WIZ: variants seen among roughly 807,000 people sequenced by gnomAD.
WIZ encodes WIZ zinc finger.
Under a neutral mutation model 140.2 loss-of-function variants are expected in WIZ, and 25 were observed. The observed-to-expected ratio is 0.18, with a 90% CI of 0.13 to 0.25. The LOEUF is 0.25. Ranked by LOEUF, WIZ falls within the 10% of genes least tolerant of loss-of-function variation. WIZ has a pLI of 1.00. For synonymous variants in WIZ, 1,125 were observed against 1,154.3 expected (o/e 0.97, Z 0.51); for missense variants, 2,231 against 2,632.6 (o/e 0.85, Z 3.34).
At position 15,428,045 on chromosome 19, in the gene WIZ, A is replaced by ACC. The variant is rs149665088; in HGVS notation, c.3814+63_3814+64dup. ...CTGCCCCAGCAGGGAGGGGGCTGTG[A>ACC]CCCCCCCCCCGGGAGGGGCTCCAGG... On this transcript the variant is annotated intron_variant, in intron 8 of 12. Transcript: ENST00000673675. This position sits in a 1 kb window ranked among gnomAD's most constrained non-coding sequence, Gnocchi z 6.4. The ACC allele has an allele frequency of 9.4e-5, 115 of 1,228,078 alleles. No homozygotes were observed. Among genetic ancestry groups the ACC allele is most frequent in the Admixed American group, 3.8e-4 (15 of 39,416 alleles). The allele number at this position is 1,228,078 out of a possible 1,614,324, so 76.1% of individuals were successfully genotyped here. A position where few individuals can be genotyped will look rare whatever the true frequency, so the allele number is the denominator to read the frequency against.
intron 12 of WIZ, 42 bp from the exon 13 acceptor site, chr19:15,423,277 G>A (rs760627576): frequency 3.1e-6 from 5 of 1,603,010 alleles, no homozygotes; most frequent in African/African-American, 1.3e-5. Context: ...AGTGCTGTGA[G>A]GAGAGGCGGA....
Position 15,425,659 on chromosome 19 carries a change from A to T in WIZ, c.4476T>A (p.Gly1492=). The change falls in exon 10 of 13, where the codon GGT becomes GGA. Residue 1492 remains glycine, a synonymous_variant. Coordinates refer to ENST00000673675, the MANE Select transcript of WIZ (RefSeq NM_001371589.1). ...SHARSHLRQM[G]VTEWSVNGSP... The stretch of plus-strand genomic sequence containing the variant: ...AACCATTGACGGACCACTCGGTCAC[A>T]CCCATCTGCCGCAGGTGTGAGCGCG... 6.2e-7 allele frequency: 1 copy of T among 1,612,570 alleles called. No homozygotes were observed. The highest frequency in any genetic ancestry group is 8.5e-7 in the Non-Finnish European group (1 of 1,179,620).
In WIZ at chr19:15,439,167, C is replaced by A. The variant is rs764783844; in HGVS notation, c.1827G>T (p.Arg609=). 2.2e-5 allele frequency: 34 copies of A among 1,532,680 alleles called. 2 individuals carry two copies. In the South Asian group the frequency reaches 3.9e-4, roughly 18 times the overall value. 94.9% of individuals were successfully genotyped at this position (1,532,680 alleles called of 1,614,324 possible). Residue 609 remains arginine, a synonymous_variant, in exon 4 of 13, where the codon CGG becomes CGT. Coordinates refer to ENST00000673675, the MANE Select transcript of WIZ (RefSeq NM_001371589.1). This position sits in a 1 kb window ranked among gnomAD's most constrained non-coding sequence, Gnocchi z 7.0. ...STVHPQGLGE[R]RRPWSEEEEE... Reference sequence around the variant, plus strand: ...CCTCCTCTTCGCTCCAAGGGCGCCTCCGTTCCCCCAGCCCTTGTGGGTGGA... The same window carrying A: ...CCTCCTCTTCGCTCCAAGGGCGCCTACGTTCCCCCAGCCCTTGTGGGTGGA...
rs558994570 is a variant in WIZ at position 15,420,040 on chromosome 19, G to A, written c.*3036C>T. The stretch of plus-strand genomic sequence containing the variant: ...TTTGATATTGTTGATTTCTTTAGGT[G>A]TAATAGTGGCATTTACAACGTTGAG... On this transcript the variant is annotated 3_prime_UTR_variant, in exon 13 of 13. Coordinates refer to ENST00000673675, the MANE Select transcript of WIZ (RefSeq NM_001371589.1). 6.6e-6 allele frequency: 1 copy of A among 152,330 alleles called. No individual in the cohort carries two copies. Among genetic ancestry groups the A allele is most frequent in the South Asian group, 2.1e-4 (1 of 4,832 alleles). The allele number at this position is 152,330 out of a possible 1,614,324, so 9.4% of individuals were successfully genotyped here. A position where few individuals can be genotyped will look rare whatever the true frequency, so the allele number is the denominator to read the frequency against.
intron 6 of WIZ, among the ~76,000 whole-genome samples, chr19:15,430,379 C>T (rs572532865): frequency 2.9e-4 from 44 of 152,346 alleles, no homozygotes; most frequent in Non-Finnish European, 5.4e-4. Context: ...CACAACCTTT[C>T]AGGCCTACGG....
In WIZ at chr19:15,426,614, C is replaced by G. The variant is rs564955058; in HGVS notation, c.4366+368G>C. On this transcript the variant is annotated intron_variant, in intron 9 of 12. Transcript: ENST00000673675. ...AATTACCAAAAATGTCAGAAAGACA[C>G]AGTTCAGACGTTCACTGCCAGTCCC... Among the ~76,000 whole-genome samples, 7 of 152,330 alleles carry G rather than the reference C, an allele frequency of 4.6e-5. No individual in the cohort carries two copies. The South Asian group carries it at 8.3e-4, about 18-fold the overall frequency.
chr19:15,429,839 G>C lies in WIZ; in HGVS notation c.3162C>G (p.Gly1054=), dbSNP rs987335781. The C allele has an allele frequency of 3.9e-6, 6 of 1,530,290 alleles. No individual in the cohort carries two copies. The highest frequency in any genetic ancestry group is 4.4e-6 in the Non-Finnish European group (5 of 1,143,036). The allele number at this position is 1,530,290 out of a possible 1,614,324, so 94.8% of individuals were successfully genotyped here. The change falls in exon 7 of 13, where the codon GGC becomes GGG. Residue 1054 remains glycine (G), a synonymous_variant. Coordinates refer to ENST00000673675, the MANE Select transcript of WIZ (RefSeq NM_001371589.1). ...KEVVAGAPRP[G]LLSLAKPLDA... Reference sequence around the variant, plus strand: ...CCAAGGGCTTGGCCAGGCTGAGCAAGCCGGGCCGGGGGGCCCCGGCGACCA... The same window carrying C: ...CCAAGGGCTTGGCCAGGCTGAGCAACCCGGGCCGGGGGGCCCCGGCGACCA...
Position 15,428,197 on chromosome 19 carries a change from T to C in WIZ, c.3727A>G (p.Ser1243Gly). Residue 1243 changes from serine (S) to glycine (G), a missense_variant, in exon 8 of 13, where the codon AGC (serine) becomes GGC (glycine). Coordinates refer to ENST00000673675, the MANE Select transcript of WIZ (RefSeq NM_001371589.1). The surrounding 1 kb of genome is among the most constrained non-coding windows in gnomAD (Gnocchi z 6.4). ...GAGAGGTCCTGCTTCCCCCAGGGGC[T>C]GGCCATACCCGCGGCCTTCAGCTTG... ...KAKLKAAGMA[S>G]PWGKQDLSAA... 6.5e-7 allele frequency: 1 copy of C among 1,534,244 alleles called. No individual in the cohort carries two copies. Among genetic ancestry groups the C allele is most frequent in the Non-Finnish European group, 8.7e-7 (1 of 1,146,646 alleles).
chr19:15,435,532 T>G lies in WIZ; in HGVS notation c.2740+1274A>C, dbSNP rs565128203. ...CAGGTCTGCCGGATAAAGCAAACAT[T>G]GGTTGAAAATCTAGACTCTAGGCCG... On this transcript the variant is annotated intron_variant, in intron 5 of 12. Transcript: ENST00000673675. Among the ~76,000 whole-genome samples the G allele has an allele frequency of 1.4e-4, 21 of 152,322 alleles. No individual in the cohort carries two copies. The East Asian group carries it at 3.7e-3, about 27-fold the overall frequency.
At chr19:15,434,655 C>A (rs1362593028) in intron 5 of WIZ, among the ~76,000 whole-genome samples, 1 of 151,822 alleles carries the variant, frequency 6.6e-6, no homozygotes, top group African/African-American at 2.4e-5. Context: ...AGGGGCGATA[C>A]CCCCTGTTCA....
At chr19:15,444,938 G>A (rs1969865789) in intron 2 of WIZ, among the ~76,000 whole-genome samples, 1 of 152,186 alleles carries the variant, frequency 6.6e-6, no homozygotes, top group Admixed American at 6.5e-5. Flanking sequence ...AGGGGACCGC[G>A]TGGCCTCTTT....
At chr19:15,425,208 C>A in intron 10 of WIZ, 33 bp downstream of exon 10, 2 of 1,553,798 alleles carry the variant, frequency 1.3e-6, no homozygotes, top group South Asian at 1.2e-5. Flanking sequence ...CCCTGGCGGT[C>A]GCCCTCCCAG....
Position 15,427,200 on chromosome 19 carries a change from C to T in WIZ, c.4148G>A (p.Gly1383Asp). Residue 1383 changes from glycine (G) to aspartate (D), a missense_variant, in exon 9 of 13, where the codon GGC becomes GAC. Around this residue, in one of 15 missense-constraint regions of WIZ, gnomAD observed 393 missense variants for 451.7 expected, o/e 0.87. Transcript: ENST00000673675. This position sits in a 1 kb window ranked among gnomAD's most constrained non-coding sequence, Gnocchi z 6.4. ...PLAKKLPPPP[G>D]SPLGHSPTAS... ...AGTTGGTGAGTGGCCCAGGGGGCTG[C>T]CCGGTGGTGGTGGCAACTTCTTGGC... is the stretch of plus-strand genomic sequence containing the variant. 1.9e-6 allele frequency: 3 copies of T among 1,614,114 alleles called. No homozygotes were observed. The highest frequency in any genetic ancestry group is 2.5e-6 in the Non-Finnish European group (3 of 1,180,032).
At position 15,427,016 on chromosome 19, in the gene WIZ, C is replaced by G; in HGVS notation, c.4332G>C (p.Gly1444=). The G allele has an allele frequency of 6.2e-7, 1 of 1,613,944 alleles. No homozygotes were observed. ...GGGGTGTCATGTCTTCCCGTGGTGC[C>G]CCCCAGGGACCCTCAGATGGGTGCA... ...GELHPSEGPW[G]APREDMTPLN... is the part of the protein sequence containing the mutation. The change falls in exon 9 of 13, where the codon GGG becomes GGC. Residue 1444 remains glycine, a synonymous_variant. Transcript: ENST00000673675. The surrounding 1 kb of genome is among the most constrained non-coding windows in gnomAD (Gnocchi z 6.4).
At chr19:15,436,076 T>C (rs1180533342) in intron 5 of WIZ, among the ~76,000 whole-genome samples, 3 of 152,188 alleles carry the variant, frequency 2.0e-5, no homozygotes, top group East Asian at 1.9e-4. Context: ...TGAGCCAAGA[T>C]TGTGCCACTG....
chr19:15,434,919 T>C (rs1000205649), intron 5 of WIZ, among the ~76,000 whole-genome samples: 6 of 152,210 alleles, frequency 3.9e-5, no homozygotes, highest in African/African-American at 1.4e-4. Context: ...AGATGACCTA[T>C]GGTTTCCTTA....
In WIZ at chr19:15,431,049, A is replaced by G. The variant is rs1969201001; in HGVS notation, c.2874T>C (p.Val958=). The change falls in exon 6 of 13, where the codon GTT becomes GTC. Residue 958 remains valine, a synonymous_variant. Coordinates refer to ENST00000673675, the MANE Select transcript of WIZ (RefSeq NM_001371589.1). ...GCAGCTCCTGTTTGCTGCCATGAGG[A>G]ACCTCTGCAGCCACTTTGCTGCTCA... ...SRLSSKVAAE[V]PHGSKQELQD... The G allele has an allele frequency of 6.5e-7, 1 of 1,535,720 alleles. No individual in the cohort carries two copies.
In WIZ at chr19:15,421,488, G is replaced by A. The variant is rs1038171261; in HGVS notation, c.*1588C>T. On this transcript the variant is annotated 3_prime_UTR_variant, in exon 13 of 13. Transcript: ENST00000673675. ...CAGCACTTGACCGTTTAGTAAAAAC[G>A]ATGAGCTGAAAAACCACATGCAATA... The A allele has an allele frequency of 2.2e-4, 34 of 152,258 alleles. No homozygotes were observed. Among genetic ancestry groups the A allele is most frequent in the Admixed American group, 9.8e-4 (15 of 15,282 alleles). 9.4% of individuals were successfully genotyped at this position (152,258 alleles called of 1,614,324 possible).
chr19:15,421,134 AT>A lies in WIZ; in HGVS notation c.*1941del, dbSNP rs1968353033. On this transcript the variant is annotated 3_prime_UTR_variant, in exon 13 of 13. Coordinates refer to ENST00000673675, the MANE Select transcript of WIZ (RefSeq NM_001371589.1). ...CTGTCTCAAAAAATAAAATAAAAAA[AT>A]AAAAACTGACTTATGAAAAGTTGAA... 1 of 152,298 alleles carries A rather than the reference AT, an allele frequency of 6.6e-6. No individual in the cohort carries two copies. The highest frequency in any genetic ancestry group is 2.4e-5 in the African/African-American group (1 of 41,484). The allele number at this position is 152,298 out of a possible 1,614,324, so 9.4% of individuals were successfully genotyped here. A position where few individuals can be genotyped will look rare whatever the true frequency, so the allele number is the denominator to read the frequency against.
Sources: allele counts gnomAD v4.1 joint callset (sites outside exome capture counted in the v4.1 genomes callset), GRCh38; gene constraint gnomAD v4.1.1; regional missense constraint gnomAD v4.1.1; non-coding constraint Gnocchi (gnomAD v3.1); transcripts MANE v1.5; gene names NCBI Gene and HGNC (gene_info 2026-07-23, HGNC 2026-07-21).